RYR1: variants seen among roughly 807,000 people sequenced by gnomAD.
RYR1 encodes central core disease of muscle.
In RYR1, 342 loss-of-function variants were observed where a neutral mutation model predicts 583.5. The observed-to-expected ratio is 0.59, with a 90% CI of 0.54 to 0.64. The LOEUF is 0.64. RYR1 is among the 30% of genes least tolerant of loss of function. RYR1 has a pLI of 0.00. For synonymous variants in RYR1, 2,791 were observed against 2,822.5 expected (o/e 0.99, Z 0.35); for missense variants, 6,032 against 6,917.2 (o/e 0.87, Z 4.54).
intron 97 of RYR1, 74 bp downstream of exon 97, chr19:38,576,035 C>A: frequency 6.4e-7 from 1 of 1,557,808 alleles, no homozygotes. Context: ...GCCTGCCAAG[C>A]ACTTGCTTGG....
rs969519230 is a variant in RYR1 at position 38,511,686 on chromosome 19, T to C, written c.9172+76T>C. On this transcript the variant is annotated intron_variant, in intron 61 of 105. Coordinates refer to ENST00000359596, the MANE Select transcript of RYR1 (RefSeq NM_000540.3). The stretch of plus-strand genomic sequence containing the variant: ...CCCTGAAGAAATAGCTCCCAGGTTC[T>C]GCCTTAATTTGAACAACCTTTGTTG... 2.0e-6 allele frequency: 3 copies of C among 1,516,086 alleles called. No individual in the cohort carries two copies. The African/African-American group carries it at 4.1e-5, about 21-fold the overall frequency. 93.9% of individuals were successfully genotyped at this position (1,516,086 alleles called of 1,614,324 possible). A position where few individuals can be genotyped will look rare whatever the true frequency, so the allele number is the denominator to read the frequency against.
intron 87 of RYR1, among the ~76,000 whole-genome samples, chr19:38,545,741 G>A (rs771126934): frequency 2.0e-5 from 3 of 151,788 alleles, no homozygotes; most frequent in African/African-American, 7.2e-5. Flanking sequence ...AACCTGGGAG[G>A]CAGAAGTTGC....
Position 38,519,399 on chromosome 19 carries a change from T to C in RYR1, c.10204T>C (p.Cys3402Arg). 6.2e-7 allele frequency: 1 copy of C among 1,604,192 alleles called. No homozygotes were observed. Among genetic ancestry groups the C allele is most frequent in the South Asian group, 1.1e-5 (1 of 89,758 alleles). The change falls in exon 67 of 106, where the codon TGC (cysteine) becomes CGC (arginine). Residue 3402 changes from cysteine (C) to arginine (R), a missense_variant. Coordinates refer to ENST00000359596, the MANE Select transcript of RYR1 (RefSeq NM_000540.3). ...GGTGCGGGACGAGTTCTCTGTGCTC[T>C]GCCGGGACCTCTACGCCCTGTATCC... ...LLVRDEFSVL[C>R]RDLYALYPLL...
chr19:38,542,511 A>T (rs1260687126), intron 84 of RYR1, among the ~76,000 whole-genome samples: 2 of 151,894 alleles, frequency 1.3e-5, no homozygotes, highest in Non-Finnish European at 2.9e-5. Flanking sequence ...TTTATATTTT[A>T]TTTTTTTATA....
Position 38,532,634 on chromosome 19 carries a change from T to G in RYR1, c.11194-37T>G, listed in dbSNP as rs1311086364. The G allele has an allele frequency of 3.1e-6, 5 of 1,613,762 alleles. No homozygotes were observed. In the African/African-American group the frequency reaches 6.7e-5, roughly 22 times the overall value. On this transcript the variant is annotated intron_variant, in intron 77 of 105. Coordinates refer to ENST00000359596, the MANE Select transcript of RYR1 (RefSeq NM_000540.3). ...AGGGCTGGGGCGGGATGGAGGGGTCTGCTTTGTTCATCCCTTAACTGATGC... is the reference window on the plus strand; with the variant it reads ...AGGGCTGGGGCGGGATGGAGGGGTCGGCTTTGTTCATCCCTTAACTGATGC...
At position 38,512,201 on chromosome 19, in the gene RYR1, G is replaced by C; in HGVS notation, c.9234-44G>C. The C allele has an allele frequency of 6.2e-7, 1 of 1,614,000 alleles. No individual in the cohort carries two copies. Among genetic ancestry groups the C allele is most frequent in the South Asian group, 1.1e-5 (1 of 91,090 alleles). On this transcript the variant is annotated intron_variant, in intron 62 of 105. Coordinates refer to ENST00000359596, the MANE Select transcript of RYR1 (RefSeq NM_000540.3). The surrounding 1 kb of genome is among the most constrained non-coding windows in gnomAD (Gnocchi z 5.1). ...CCCCACCCCAACCCCTGGTCTCCTA[G>C]ACTCTCCGATTCCAGAGCTGATGTT...
intron 89 of RYR1, among the ~76,000 whole-genome samples, chr19:38,559,196 A>AGTG (rs1005160828): frequency 1.3e-5 from 2 of 148,702 alleles, no homozygotes; most frequent in African/African-American, 4.9e-5. Context: ...TGGAGGTGAT[A>AGTG]GTGTCCCAGG....
At chr19:38,567,519 C>A (rs942998850) in intron 92 of RYR1, among the ~76,000 whole-genome samples, 6 of 152,096 alleles carry the variant, frequency 3.9e-5, no homozygotes, top group Non-Finnish European at 8.8e-5. Context: ...ATTCCCACAA[C>A]CCCCTGAGCT....
chr19:38,483,544 T>G lies in RYR1; in HGVS notation c.4934+28T>G. ...CAGGGCCAGCCCAGCTATGCAGGGG[T>G]GGGCAGGTGTTGCAAGCCCTCTGGG... On this transcript the variant is annotated intron_variant, in intron 33 of 105. Coordinates refer to ENST00000359596, the MANE Select transcript of RYR1 (RefSeq NM_000540.3). The surrounding 1 kb of genome is among the most constrained non-coding windows in gnomAD (Gnocchi z 6.3). 6.5e-7 allele frequency: 1 copy of G among 1,530,994 alleles called. No homozygotes were observed. 94.8% of individuals were successfully genotyped at this position (1,530,994 alleles called of 1,614,324 possible).
At chr19:38,523,861 CTCTGCGGGGCTGGGGTAACCCT>C in intron 69 of RYR1, 32 bp from the exon 70 acceptor site, 1 of 1,613,726 alleles carries the variant, frequency 6.2e-7, no homozygotes, top group East Asian at 2.2e-5. Context: ...GCCTGGGCTT[CTCTGCGGGGCTGGGGTAACCCT>C]TCTTGTCTCT....
rs1434232361 is a variant in RYR1 at position 38,528,366 on chromosome 19, C to G, written c.10885C>G (p.Arg3629Gly). Residue 3629 changes from arginine to glycine, a missense_variant, in exon 74 of 106, where the codon CGG becomes GGG. Coordinates refer to ENST00000359596, the MANE Select transcript of RYR1 (RefSeq NM_000540.3). ...VWHKLLSKQR[R>G]RAVVACFRMT... ...GCACAAGCTTTTGTCCAAACAGCGC[C>G]GGCGGGCAGTCGTGGCCTGTTTCCG... 6.2e-7 allele frequency: 1 copy of G among 1,613,998 alleles called. No individual in the cohort carries two copies. The highest frequency in any genetic ancestry group is 8.5e-7 in the Non-Finnish European group (1 of 1,180,034).
At chr19:38,465,882 G>A (rs1442957057) in intron 23 of RYR1, among the ~76,000 whole-genome samples, 1 of 152,220 alleles carries the variant, frequency 6.6e-6, no homozygotes, top group Non-Finnish European at 1.5e-5. Flanking sequence ...GGTCATTGAT[G>A]TCAAAGCCCT....
intron 20 of RYR1, among the ~76,000 whole-genome samples, chr19:38,462,643 T>C (rs1467141923): frequency 6.6e-6 from 1 of 152,246 alleles, no homozygotes; most frequent in East Asian, 1.9e-4. Flanking sequence ...GTAATTTACA[T>C]TAATGATCTC....
intron 84 of RYR1, 122 bp downstream of exon 84, chr19:38,538,082 T>A: frequency 2.2e-6 from 2 of 890,642 alleles, no homozygotes; most frequent in East Asian, 2.6e-5. Flanking sequence ...CTCCAGCCAG[T>A]GTCAATCCAC....
At chr19:38,548,516 C>A in intron 89 of RYR1, 96 bp downstream of exon 89, 2 of 1,097,882 alleles carry the variant, frequency 1.8e-6, no homozygotes, top group Non-Finnish European at 2.7e-6. Context: ...AGAGACATCT[C>A]TGCAAGCCTC....
At chr19:38,491,122 TA>T (rs1969532228) in intron 37 of RYR1, among the ~76,000 whole-genome samples, 2 of 152,192 alleles carry the variant, frequency 1.3e-5, no homozygotes. Context: ...AGTCTGCTGA[TA>T]GTCTTACTGA....
chr19:38,511,754 G>A (rs1970735752), intron 61 of RYR1, 144 bp downstream of exon 61: 17 of 1,045,180 alleles, frequency 1.6e-5, no homozygotes, highest in Middle Eastern at 2.0e-4. Context: ...GGTATCCGGG[G>A]GGTAGGGCAG....
chr19:38,469,562 T>C, intron 27 of RYR1, 49 bp downstream of exon 27: 2 of 1,543,408 alleles, frequency 1.3e-6, no homozygotes. Flanking sequence ...CAAAGCTCCT[T>C]CCTTCCACAG....
rs894008408 is a variant in RYR1 at position 38,449,065 on chromosome 19, C to G, written c.1122+252C>G. 3.3e-5 allele frequency among the ~76,000 whole-genome samples: 5 copies of G among 151,862 alleles called. No individual in the cohort carries two copies. The East Asian group carries it at 9.6e-4, about 29-fold the overall frequency. On this transcript the variant is annotated intron_variant, in intron 11 of 105. Coordinates refer to ENST00000359596, the MANE Select transcript of RYR1 (RefSeq NM_000540.3). The stretch of plus-strand genomic sequence containing the variant: ...CAGCAAAAAAGACAAAGGGATATAT[C>G]TACATGGAGAGAGAGAGAGAGCAGA...
Sources: allele counts gnomAD v4.1 joint callset (sites outside exome capture counted in the v4.1 genomes callset), GRCh38; gene constraint gnomAD v4.1.1; non-coding constraint Gnocchi (gnomAD v3.1); transcripts MANE v1.5; gene names NCBI Gene and HGNC (gene_info 2026-07-23, HGNC 2026-07-21).